RARB: variants seen among roughly 807,000 people sequenced by gnomAD.
RARB encodes the protein retinoic acid receptor beta.
RARB carries 17 observed loss-of-function variants against 51.9 expected under a neutral mutation model. That is an observed-to-expected ratio of 0.33 (90% CI 0.22 to 0.49). RARB has a LOEUF of 0.49. RARB is among the 20% of genes least tolerant of loss of function. RARB has a pLI of 0.99. For synonymous variants in RARB, 215 were observed against 195.4 expected (o/e 1.10, Z -0.84); for missense variants, 369 against 550.8 (o/e 0.67, Z 3.30).
intron 2 of RARB, among the ~76,000 whole-genome samples, chr3:24,996,415 G>C (rs561974660): frequency 2.0e-5 from 3 of 151,788 alleles, no homozygotes; most frequent in Admixed American, 6.6e-5. Flanking sequence ...AAAGATTTTT[G>C]TTTTATTGAT....
intron 2 of RARB, among the ~76,000 whole-genome samples, chr3:24,908,848 A>T (rs1037140189): frequency 7.2e-5 from 11 of 151,766 alleles, no homozygotes; most frequent in African/African-American, 1.2e-4. Flanking sequence ...TAAAATTTAA[A>T]TTTTTTCCCC....
chr3:25,351,040 G>C (rs1705553800), intron 5 of RARB, among the ~76,000 whole-genome samples: 1 of 152,140 alleles, frequency 6.6e-6, no homozygotes, highest in South Asian at 2.1e-4. Flanking sequence ...CATGAACCTG[G>C]CTTTATCTAA....
rs116200377 is a variant in RARB at position 25,294,825 on chromosome 3, G to A, written c.178+120250G>A. 5.4e-3 allele frequency among the ~76,000 whole-genome samples: 823 copies of A among 152,160 alleles called. 7 individuals are homozygous for A. Among genetic ancestry groups the A allele is most frequent in the African/African-American group, 0.018 (763 of 41,518 alleles). ...AGAGGAGGAAGAGGGAGTGGAGGGG[G>A]GAAGGAAGAGGAAAAATCACCAGCT... On this transcript the variant is annotated intron_variant, in intron 5 of 11. Transcript: ENST00000383772.
chr3:25,418,382 T>C (rs1242499833), intron 5 of RARB, among the ~76,000 whole-genome samples: 1 of 152,228 alleles, frequency 6.6e-6, no homozygotes, highest in Non-Finnish European at 1.5e-5. Context: ...AATTATTGCA[T>C]TTAATTCTCC....
chr3:25,500,053 G>C (rs1199485771), intron 2 of RARB, among the ~76,000 whole-genome samples: 2 of 152,204 alleles, frequency 1.3e-5, no homozygotes. Flanking sequence ...TTGTCAGTCA[G>C]TGCTGTAGTA....
intron 2 of RARB, among the ~76,000 whole-genome samples, chr3:24,922,346 C>T: frequency 6.6e-6 from 1 of 152,178 alleles, no homozygotes; most frequent in African/African-American, 2.4e-5. Flanking sequence ...TTGCCTCTGA[C>T]TGCATTCTTT....
intron 2 of RARB, among the ~76,000 whole-genome samples, chr3:25,042,984 A>G (rs1698143958): frequency 6.6e-6 from 1 of 152,186 alleles, no homozygotes; most frequent in Non-Finnish European, 1.5e-5. Flanking sequence ...ACTTGTCTTC[A>G]CAGACGAAAA....
At chr3:25,003,324 G>C (rs1442597425) in intron 2 of RARB, among the ~76,000 whole-genome samples, 1 of 152,072 alleles carries the variant, frequency 6.6e-6, no homozygotes, top group Non-Finnish European at 1.5e-5. Flanking sequence ...GGCAGGGAGA[G>C]CTCAGCATGT....
intron 3 of RARB, among the ~76,000 whole-genome samples, chr3:25,101,923 C>G (rs1463312346): frequency 1.3e-5 from 2 of 152,046 alleles, no homozygotes; most frequent in East Asian, 3.9e-4. Flanking sequence ...TGATTTGTAA[C>G]TCTTTAAAAT....
chr3:24,845,226 G>C (rs73820094), intron 1 of RARB, among the ~76,000 whole-genome samples: 10,558 of 152,256 alleles, frequency 0.069, 480 homozygotes, highest in East Asian at 0.21. Context: ...AGGGGACATT[G>C]ATCAATGGTT....
chr3:24,890,324 G>A (rs1271473709), intron 2 of RARB, among the ~76,000 whole-genome samples: 1 of 152,186 alleles, frequency 6.6e-6, no homozygotes, highest in Non-Finnish European at 1.5e-5. Flanking sequence ...GGAAGGTGTT[G>A]AAGTTCTTTA....
At chr3:25,297,788 A>G (rs969923174) in intron 5 of RARB, among the ~76,000 whole-genome samples, 5 of 152,088 alleles carry the variant, frequency 3.3e-5, no homozygotes, top group African/African-American at 9.7e-5. Flanking sequence ...AAGAACATTT[A>G]TCTTTATCCA....
rs1696060387 is a variant in RARB, at chr3:25,478,338, G to T, written c.306+16997G>T. Among the ~76,000 whole-genome samples the T allele has an allele frequency of 2.6e-5, 4 of 152,224 alleles. No individual in the cohort carries two copies. In the South Asian group the frequency reaches 8.3e-4, roughly 31 times the overall value. On this transcript the variant is annotated intron_variant, in intron 2 of 7. Transcript: ENST00000330688. ...TCTTTGGAAAATCCAAGCTGCTGCA[G>T]ACTGAGTTTAGTTTTGAATCACAGG...
intron 4 of RARB, among the ~76,000 whole-genome samples, chr3:25,137,012 G>A (rs559112638): frequency 2.6e-5 from 4 of 152,120 alleles, no homozygotes; most frequent in African/African-American, 9.6e-5. Flanking sequence ...ATTAAGCAAG[G>A]AGTAGCAGCA....
chr3:25,433,118 G>C (rs1708274392), intron 1 of RARB, among the ~76,000 whole-genome samples: 1 of 152,136 alleles, frequency 6.6e-6, no homozygotes, highest in Non-Finnish European at 1.5e-5. Context: ...AAAAATCTTG[G>C]CTGAAAACCT....
At chr3:25,171,643 T>TAAA (rs770248970) in intron 4 of RARB, among the ~76,000 whole-genome samples, 5 of 45,470 alleles carry the variant, frequency 1.1e-4, no homozygotes, top group Admixed American at 3.4e-4. Context: ...CCCTGGTTGG[T>TAAA]AAAAAAAAAA....
In RARB at chr3:24,917,070, CTG is replaced by C. The variant is rs200096237; in HGVS notation, c.-380+58320_-380+58321del. Among the ~76,000 whole-genome samples, 142 of 152,272 alleles carry C rather than the reference CTG, an allele frequency of 9.3e-4. No individual in the cohort carries two copies. The East Asian group carries it at 0.019, about 20-fold the overall frequency. On this transcript the variant is annotated intron_variant, in intron 2 of 11. Coordinates refer to the RARB transcript ENST00000383772. The stretch of plus-strand genomic sequence containing the variant: ...TGTTAAAAATTGTCATGGGTGTTCA[CTG>C]TAAAACTTTTCAACTTTTGTTTTTT...
chr3:24,860,616 G>A (rs1361345067), intron 2 of RARB, among the ~76,000 whole-genome samples: 1 of 151,874 alleles, frequency 6.6e-6, no homozygotes, highest in African/African-American at 2.4e-5. Context: ...TTTGAGGCAT[G>A]CTGATTGAAG....
chr3:25,331,877 T>A (rs536761372), intron 5 of RARB, among the ~76,000 whole-genome samples: 1 of 152,054 alleles, frequency 6.6e-6, no homozygotes, highest in Non-Finnish European at 1.5e-5. Flanking sequence ...CAAACTACCA[T>A]CAGAGAATAC....
Sources: gnomAD v4.1 joint callset for allele counts (sites outside exome capture counted in the v4.1 genomes callset) on GRCh38, gnomAD v4.1.1 for gene constraint, MANE v1.5 for transcripts, NCBI Gene and HGNC (gene_info 2026-07-23, HGNC 2026-07-21) for gene names.